The following PDSS2 variants were observed in gnomAD, a reference collection of about 807,000 sequenced individuals.
PDSS2 encodes all trans-polyprenyl-diphosphate synthase PDSS2.
In PDSS2, 31 loss-of-function variants were observed where a neutral mutation model predicts 44.5. The ratio of observed to expected loss-of-function variants is 0.70; its 90% CI spans 0.52 to 0.94. The LOEUF is 0.94. Ranked by LOEUF, PDSS2 falls within the 40% of genes least tolerant of loss-of-function variation. PDSS2 has a pLI of 0.00. For missense variants in PDSS2, 452 were observed against 482.2 expected, an observed-to-expected ratio of 0.94 and a Z score of 0.59; for synonymous variants, 157 against 180.3, an observed-to-expected ratio of 0.87 and a Z score of 1.03.
intron 1 of PDSS2, among the ~76,000 whole-genome samples, chr6:107,339,431 TAA>T (rs1198058480): frequency 1.3e-5 from 2 of 152,220 alleles, no homozygotes; most frequent in African/African-American, 4.8e-5. Flanking sequence ...ATTCAATTAA[TAA>T]GACTGGACGC....
At chr6:107,393,197 ATGT>A (rs1317671869) in intron 1 of PDSS2, among the ~76,000 whole-genome samples, 2 of 152,024 alleles carry the variant, frequency 1.3e-5, no homozygotes, top group Non-Finnish European at 2.9e-5. Flanking sequence ...ACAAATTGAC[ATGT>A]TGTTTTTTCA....
intron 1 of PDSS2, among the ~76,000 whole-genome samples, chr6:107,401,415 A>T (rs1230869983): frequency 6.6e-6 from 1 of 152,154 alleles, no homozygotes; most frequent in African/African-American, 2.4e-5. Context: ...CTCAAAAGAA[A>T]AAAAAGTCCT....
chr6:107,241,634 C>G (rs922347176), intron 4 of PDSS2, among the ~76,000 whole-genome samples: 1 of 152,190 alleles, frequency 6.6e-6, no homozygotes, highest in Non-Finnish European at 1.5e-5. Flanking sequence ...GCGTAAGCCA[C>G]CGCACCCGGC....
At chr6:107,343,807 A>C (rs1266907265) in intron 1 of PDSS2, among the ~76,000 whole-genome samples, 1 of 152,144 alleles carries the variant, frequency 6.6e-6, no homozygotes, top group Non-Finnish European at 1.5e-5. Context: ...GTATTCTTGC[A>C]TTTTTCTGTG....
At chr6:107,245,645 A>G (rs1160430946) in intron 3 of PDSS2, 26 bp from the exon 4 acceptor site, 2 of 1,444,092 alleles carry the variant, frequency 1.4e-6, no homozygotes, top group Non-Finnish European at 1.9e-6. Flanking sequence ...AAAAATAAAA[A>G]TAAAAAAATT....
intron 7 of PDSS2, among the ~76,000 whole-genome samples, chr6:107,189,598 A>C (rs1480002610): frequency 6.6e-6 from 1 of 152,134 alleles, no homozygotes; most frequent in East Asian, 1.9e-4. Flanking sequence ...TGGCCTCCCA[A>C]AGTGCTGCGA....
Position 107,205,698 on chromosome 6 carries a change from C to T in PDSS2, c.1008+4741G>A, listed in dbSNP as rs543491020. On this transcript the variant is annotated intron_variant, in intron 6 of 7. Transcript: ENST00000369037. ...TTTTGTGAAAGAGTGTGGTTGTGTGCGTGTGTGTCAACATGCACATGCATC... is the reference window on the plus strand; with the variant it reads ...TTTTGTGAAAGAGTGTGGTTGTGTGTGTGTGTGTCAACATGCACATGCATC... Among the ~76,000 whole-genome samples the T allele has an allele frequency of 9.9e-5, 15 of 151,882 alleles. No homozygotes were observed. The South Asian group carries it at 2.7e-3, about 27-fold the overall frequency.
At chr6:107,185,257 G>A (rs969461400) in intron 7 of PDSS2, among the ~76,000 whole-genome samples, 12 of 152,004 alleles carry the variant, frequency 7.9e-5, no homozygotes, top group African/African-American at 2.4e-4. Flanking sequence ...AAATGAGCGC[G>A]AATGTCAAAG....
chr6:107,309,230 C>A (rs1351536295), intron 2 of PDSS2, among the ~76,000 whole-genome samples: 1 of 152,142 alleles, frequency 6.6e-6, no homozygotes, highest in South Asian at 2.1e-4. Flanking sequence ...CTAATTTCAC[C>A]TGCACATTTT....
intron 1 of PDSS2, among the ~76,000 whole-genome samples, chr6:107,415,311 A>C (rs926736160): frequency 2.0e-5 from 3 of 152,126 alleles, no homozygotes; most frequent in African/African-American, 7.2e-5. Flanking sequence ...TTTGGAACAA[A>C]AAAAATTTTT....
Position 107,197,741 on chromosome 6 carries a change from T to C in PDSS2, c.1009-3887A>G, listed in dbSNP as rs1193267117. On this transcript the variant is annotated intron_variant, in intron 6 of 7. Transcript: ENST00000369037. ...GTCAAACAGCTCAACACTGAGCACA[T>C]CTGTCATTTCCTCACTGTCAATGTT... The C allele has an allele frequency of 8.8e-6, 4 of 455,112 alleles. No individual in the cohort carries two copies. The Admixed American group carries it at 9.6e-5, about 11-fold the overall frequency. The allele number at this position is 455,112 out of a possible 1,614,324, so 28.2% of individuals were successfully genotyped here.
At chr6:107,365,379 A>G (rs998284318) in intron 1 of PDSS2, among the ~76,000 whole-genome samples, 1 of 152,208 alleles carries the variant, frequency 6.6e-6, no homozygotes, top group Non-Finnish European at 1.5e-5. Flanking sequence ...TACAGCTAAA[A>G]AAAACACAAA....
At chr6:107,258,725 C>A (rs1775111577) in intron 3 of PDSS2, among the ~76,000 whole-genome samples, 1 of 152,082 alleles carries the variant, frequency 6.6e-6, no homozygotes, top group South Asian at 2.1e-4. Flanking sequence ...ATCACTTGAA[C>A]CTTGGAGGCG....
chr6:107,192,632 A>G (rs73523782), intron 7 of PDSS2: 7,989 of 205,116 alleles, frequency 0.039, 601 homozygotes, highest in African/African-American at 0.17. Flanking sequence ...TACCTGAAGA[A>G]CTTTTTAGAA....
At chr6:107,363,510 G>T (rs912133519) in intron 1 of PDSS2, among the ~76,000 whole-genome samples, 1 of 152,132 alleles carries the variant, frequency 6.6e-6, no homozygotes, top group African/African-American at 2.4e-5. Flanking sequence ...ATCCCGGTGG[G>T]CTCGTGGTCT....
At chr6:107,416,400 T>A (rs1227327682) in intron 1 of PDSS2, among the ~76,000 whole-genome samples, 2 of 152,198 alleles carry the variant, frequency 1.3e-5, no homozygotes, top group African/African-American at 4.8e-5. Context: ...ATTATTCCTC[T>A]AAGTGCAAAG....
intron 2 of PDSS2, among the ~76,000 whole-genome samples, chr6:107,324,034 G>T (rs1160296298): frequency 6.6e-6 from 1 of 152,056 alleles, no homozygotes; most frequent in Non-Finnish European, 1.5e-5. Context: ...AAAAGCTCTG[G>T]TGAAGTAATG....
At chr6:107,395,886 T>C (rs1250472206) in intron 1 of PDSS2, among the ~76,000 whole-genome samples, 2 of 152,232 alleles carry the variant, frequency 1.3e-5, no homozygotes, top group Non-Finnish European at 2.9e-5. Flanking sequence ...AGAGGATTGA[T>C]CTTTGTTCTA....
chr6:107,271,963 C>T (rs1775612695), intron 3 of PDSS2, among the ~76,000 whole-genome samples: 1 of 151,674 alleles, frequency 6.6e-6, no homozygotes, highest in Non-Finnish European at 1.5e-5. Context: ...ACTTGGGACA[C>T]TGAGGTAGGA....
Sources: gnomAD v4.1 joint callset for allele counts (sites outside exome capture counted in the v4.1 genomes callset) on GRCh38, gnomAD v4.1.1 for gene constraint, MANE v1.5 for transcripts, NCBI Gene and HGNC (gene_info 2026-07-23, HGNC 2026-07-21) for gene names.